Variants in MAF observed in about 807,000 individuals in gnomAD.
MAF encodes the protein MAF bZIP transcription factor.
Under a neutral mutation model 22.0 loss-of-function variants are expected in MAF, and 10 were observed. The ratio of observed to expected loss-of-function variants is 0.45; its 90% CI spans 0.28 to 0.77. The LOEUF is 0.77. MAF is among the 30% of genes least tolerant of loss of function. MAF has a pLI of 0.12. For missense variants in MAF, 544 were observed against 548.4 expected, an observed-to-expected ratio of 0.99 and a Z score of 0.08; for synonymous variants, 337 against 255.8, an observed-to-expected ratio of 1.32 and a Z score of -3.03.
chr16:79,208,940 T>C, the MAF span, among the ~76,000 whole-genome samples: 1 of 152,202 alleles, frequency 6.6e-6, no homozygotes, highest in South Asian at 2.1e-4. Context: ...TGAGTACCCA[T>C]GAGCACCAAG....
At chr16:79,473,913 G>A in the MAF span, among the ~76,000 whole-genome samples, 2 of 152,102 alleles carry the variant, frequency 1.3e-5, no homozygotes, top group East Asian at 1.9e-4. Context: ...TTCTCATAAC[G>A]TCTCCAGGCT....
At chr16:79,414,155 T>G in the MAF span, among the ~76,000 whole-genome samples, 2 of 152,226 alleles carry the variant, frequency 1.3e-5, no homozygotes, top group African/African-American at 4.8e-5. Flanking sequence ...CTCTTGTTCT[T>G]TGCCAGACAC....
chr16:79,244,074 T>C, the MAF span, among the ~76,000 whole-genome samples: 1 of 151,968 alleles, frequency 6.6e-6, no homozygotes, highest in African/African-American at 2.4e-5. Context: ...CTCAAAATAA[T>C]AAGAGCTATT....
At chr16:79,532,230 TG>T in the MAF span, among the ~76,000 whole-genome samples, 3 of 152,170 alleles carry the variant, frequency 2.0e-5, no homozygotes, top group African/African-American at 7.2e-5. Context: ...AGTAGAGACA[TG>T]GCCCCCACTC....
the MAF span, among the ~76,000 whole-genome samples, chr16:79,453,584 G>A: frequency 3.9e-5 from 6 of 152,196 alleles, no homozygotes; most frequent in African/African-American, 1.4e-4. Context: ...AAGAAACTGG[G>A]AAAGGTCGGC....
At chr16:79,257,173 C>A in the MAF span, among the ~76,000 whole-genome samples, 2 of 151,578 alleles carry the variant, frequency 1.3e-5, no homozygotes, top group Non-Finnish European at 2.9e-5. Flanking sequence ...CGAAATTCCA[C>A]TTCAAAAAAA....
At chr16:79,539,365 T>C in the MAF span, among the ~76,000 whole-genome samples, 4 of 152,102 alleles carry the variant, frequency 2.6e-5, no homozygotes, top group South Asian at 8.3e-4. Flanking sequence ...TGGCCGGGCT[T>C]GGTGGCATGC....
At chr16:79,267,559 G>A in the MAF span, among the ~76,000 whole-genome samples, 1 of 152,316 alleles carries the variant, frequency 6.6e-6, no homozygotes, top group East Asian at 1.9e-4. Context: ...ATGGCAGAAT[G>A]GCTCACGGCC....
chr16:79,215,879 G>A, the MAF span, among the ~76,000 whole-genome samples: 18 of 152,302 alleles, frequency 1.2e-4, no homozygotes, highest in African/African-American at 3.6e-4. Flanking sequence ...GTTACTTGAA[G>A]ATGAACTGAG....
chr16:79,542,478 G>C, the MAF span, among the ~76,000 whole-genome samples: 4 of 152,152 alleles, frequency 2.6e-5, no homozygotes, highest in East Asian at 3.9e-4. Context: ...CTATGGCGGA[G>C]TTTCAAATCA....
the MAF span, among the ~76,000 whole-genome samples, chr16:79,553,268 T>G: frequency 1.3e-5 from 2 of 152,234 alleles, no homozygotes; most frequent in Non-Finnish European, 2.9e-5. Flanking sequence ...CCTTGGCCAT[T>G]GCCACCTCTC....
chr16:79,421,028 G>A, the MAF span, among the ~76,000 whole-genome samples: 2 of 146,970 alleles, frequency 1.4e-5, no homozygotes, highest in East Asian at 3.9e-4. Context: ...GCGAGACTCT[G>A]TCTCAAAAAG....
the MAF span, among the ~76,000 whole-genome samples, chr16:79,465,567 T>A: frequency 1.3e-5 from 2 of 152,072 alleles, no homozygotes; most frequent in South Asian, 4.2e-4. Flanking sequence ...ACCACCACAC[T>A]CCAGCCCGGG....
At chr16:79,211,946 A>C in the MAF span, 1 of 1,537,144 alleles carries the variant, frequency 6.5e-7, no homozygotes, top group Non-Finnish European at 8.7e-7. Flanking sequence ...GAAAAATCTT[A>C]AGTACCAATG....
the MAF span, among the ~76,000 whole-genome samples, chr16:79,437,979 G>A: frequency 1.3e-5 from 2 of 152,174 alleles, no homozygotes; most frequent in Non-Finnish European, 2.9e-5. Flanking sequence ...GACAGGAGTC[G>A]GCCCCAGGGC....
At chr16:79,344,708 A>G in the MAF span, among the ~76,000 whole-genome samples, 1 of 152,128 alleles carries the variant, frequency 6.6e-6, no homozygotes, top group Admixed American at 6.5e-5. Context: ...TTACTGAAAC[A>G]CTGATTTTTG....
chr16:79,211,542 G>GAAATGACGCCATCTCATCACTCC, the MAF span: 2 of 1,606,968 alleles, frequency 1.2e-6, no homozygotes, highest in Admixed American at 3.4e-5. Context: ...CCAGGCAGTC[G>GAAATGACGCCATCTCATCACTCC]AAATGACGCC....
the MAF span, among the ~76,000 whole-genome samples, chr16:79,267,968 G>A: frequency 6.6e-6 from 1 of 152,138 alleles, no homozygotes; most frequent in African/African-American, 2.4e-5. Context: ...TGGTTCTCCG[G>A]CTTGTGGGAC....
At chr16:79,217,850 T>C in the MAF span, among the ~76,000 whole-genome samples, 2 of 152,078 alleles carry the variant, frequency 1.3e-5, no homozygotes, top group African/African-American at 4.8e-5. Context: ...AATGGGGTTA[T>C]GAGTGGTTTT....
Sources: allele counts gnomAD v4.1 joint callset (sites outside exome capture counted in the v4.1 genomes callset), GRCh38; gene constraint gnomAD v4.1.1; transcripts MANE v1.5; gene names NCBI Gene and HGNC (gene_info 2026-07-23, HGNC 2026-07-21).